The following KANSL1 variants were observed in gnomAD, a reference collection of about 807,000 sequenced individuals.
KANSL1 encodes MLL1/MLL complex subunit KANSL1.
Under a neutral mutation model 103.6 loss-of-function variants are expected in KANSL1, and 22 were observed. That is an observed-to-expected ratio of 0.21 (90% CI 0.15 to 0.30). KANSL1 has a LOEUF of 0.30. Among genes scored for constraint, KANSL1 ranks in the 10% least tolerant of loss-of-function variants. The probability of loss-of-function intolerance (pLI) is 1.00; values close to 1 mark genes in which losing one functional copy is unlikely to be tolerated. For synonymous variants in KANSL1, 600 were observed against 527.6 expected (o/e 1.14, Z -1.88); for missense variants, 1,337 against 1,399.8 (o/e 0.96, Z 0.72).
At chr17:46,198,710 T>G (rs2047698332), upstream of KANSL1, among the ~76,000 whole-genome samples, 1 of 152,206 alleles carries the variant, frequency 6.6e-6, no homozygotes, top group African/African-American at 2.4e-5. Flanking sequence ...CCAACCTGAG[T>G]GACAGAGCGG....
chr17:46,151,364 G>C (rs2045091344), intron 2 of KANSL1, among the ~76,000 whole-genome samples: 1 of 152,184 alleles, frequency 6.6e-6, no homozygotes, highest in African/African-American at 2.4e-5. Context: ...TCTTCCTCAA[G>C]ATCTTCACAG....
chr17:46,114,143 A>T (rs888637274), intron 2 of KANSL1, among the ~76,000 whole-genome samples: 4 of 152,170 alleles, frequency 2.6e-5, no homozygotes, highest in Non-Finnish European at 4.4e-5. Flanking sequence ...GGCAGATCAC[A>T]AGGTCACGAG....
At chr17:46,182,284 G>A (rs1238718741) in intron 1 of KANSL1, among the ~76,000 whole-genome samples, 12 of 152,208 alleles carry the variant, frequency 7.9e-5, no homozygotes, top group Non-Finnish European at 1.6e-4. Flanking sequence ...AAGACGTGGG[G>A]CATGATCCAC....
intron 6 of KANSL1, among the ~76,000 whole-genome samples, chr17:46,064,018 C>T (rs1232653678): frequency 1.4e-5 from 2 of 144,112 alleles, no homozygotes; most frequent in Non-Finnish European, 3.0e-5. Flanking sequence ...GTTATCAACT[C>T]CTCTGAAAAT....
intron 1 of KANSL1, among the ~76,000 whole-genome samples, chr17:46,213,155 T>A (rs901485578): frequency 6.6e-6 from 1 of 152,254 alleles, no homozygotes; most frequent in African/African-American, 2.4e-5. Flanking sequence ...AACCATACGC[T>A]TGCCTGTCTT....
chr17:46,037,083 T>C (rs948895661), intron 10 of KANSL1, among the ~76,000 whole-genome samples: 7 of 152,320 alleles, frequency 4.6e-5, no homozygotes, highest in Non-Finnish European at 8.8e-5. Flanking sequence ...GGGGTTAGCA[T>C]AGTGCTATAC....
chr17:46,077,305 G>GGCCT (rs375476171), intron 4 of KANSL1, among the ~76,000 whole-genome samples: 6 of 152,254 alleles, frequency 3.9e-5, no homozygotes, highest in African/African-American at 1.2e-4. Context: ...CGCCCACCTT[G>GGCCT]GCCTCCCAGA....
At chr17:46,175,931 AAT>A (rs1434831639) in intron 1 of KANSL1, among the ~76,000 whole-genome samples, 1 of 152,268 alleles carries the variant, frequency 6.6e-6, no homozygotes, top group Non-Finnish European at 1.5e-5. Context: ...CAGCTGGACC[AAT>A]ATAGTTGTTA....
chr17:46,058,346 A>G (rs1215424680), intron 6 of KANSL1, among the ~76,000 whole-genome samples: 1 of 152,182 alleles, frequency 6.6e-6, no homozygotes, highest in East Asian at 1.9e-4. Flanking sequence ...AGAATTCAAG[A>G]CAGAAGATCC....
chr17:46,180,835 G>A (rs1312490673), intron 1 of KANSL1, among the ~76,000 whole-genome samples: 2 of 152,104 alleles, frequency 1.3e-5, no homozygotes, highest in South Asian at 4.1e-4. Context: ...TCGAGTCTCT[G>A]AAAAATAAAA....
Position 46,098,097 on chromosome 17 carries a change from T to C in KANSL1, c.1290-3396A>G, listed in dbSNP as rs185213006. ...TCAATGTTGGCTGCAGGTCTAGCTC[T>C]ACCCTAAATCCAGGAAATGATCTCA... On this transcript the variant is annotated intron_variant, in intron 2 of 14. Transcript: ENST00000432791. Among the ~76,000 whole-genome samples the C allele has an allele frequency of 2.2e-3, 335 of 149,942 alleles. 1 individual carries two copies. Among genetic ancestry groups the C allele is most frequent in the Non-Finnish European group, 3.5e-3 (237 of 68,018 alleles).
chr17:46,035,432 T>G (rs1156543700), intron 10 of KANSL1: 1 of 152,166 alleles, frequency 6.6e-6, no homozygotes, highest in Non-Finnish European at 1.5e-5. Flanking sequence ...AGTCAGCACT[T>G]CCTGGGCCAG....
rs2046243055 is a variant in KANSL1 at position 46,170,794 on chromosome 17, C to T, written c.1289+61G>A. ...TCACATTCTCTCCATAATGGCGATT[C>T]ATTCATTCTTCCTTGTGCCAACATT... On this transcript the variant is annotated intron_variant, in intron 2 of 14. Transcript: ENST00000432791. 3 of 1,467,768 alleles carry T rather than the reference C, an allele frequency of 2.0e-6. No individual in the cohort carries two copies. The African/African-American group carries it at 4.3e-5, about 21-fold the overall frequency. The allele number at this position is 1,467,768 out of a possible 1,614,324, so 90.9% of individuals were successfully genotyped here.
chr17:46,172,533 AATC>A (rs1264871512), intron 1 of KANSL1, among the ~76,000 whole-genome samples: 2 of 152,022 alleles, frequency 1.3e-5, no homozygotes, highest in African/African-American at 2.4e-5. Context: ...GTTAAAATTA[AATC>A]ATCTCCATTA....
chr17:46,218,958 C>T (rs1311502271), intron 1 of KANSL1, among the ~76,000 whole-genome samples: 1 of 151,820 alleles, frequency 6.6e-6, no homozygotes, highest in African/African-American at 2.4e-5. Context: ...CAAAGTCACA[C>T]GGTTAAGAGT....
chr17:46,182,676 A>G (rs1182825569), intron 1 of KANSL1, among the ~76,000 whole-genome samples: 2 of 152,268 alleles, frequency 1.3e-5, no homozygotes, highest in Non-Finnish European at 2.9e-5. Flanking sequence ...TATCTTACAT[A>G]TATTCTCTTA....
At chr17:46,153,674 C>T (rs536002131) in intron 2 of KANSL1, among the ~76,000 whole-genome samples, 1 of 152,306 alleles carries the variant, frequency 6.6e-6, no homozygotes, top group African/African-American at 2.4e-5. Flanking sequence ...GTCATTTATA[C>T]ACTAGATTAT....
chr17:46,173,227 C>G (rs141873644), intron 1 of KANSL1, among the ~76,000 whole-genome samples: 333 of 152,270 alleles, frequency 2.2e-3, no homozygotes, highest in Non-Finnish European at 3.6e-3. Flanking sequence ...GCCCTCTTCT[C>G]TCTCAACAAC....
intron 2 of KANSL1, among the ~76,000 whole-genome samples, chr17:46,159,078 T>C (rs1444226681): frequency 6.6e-6 from 1 of 152,122 alleles, no homozygotes; most frequent in Non-Finnish European, 1.5e-5. Flanking sequence ...AGCAGGTGAG[T>C]AGGCCTGCTG....
Sources: gnomAD v4.1 joint callset for allele counts (sites outside exome capture counted in the v4.1 genomes callset) on GRCh38, gnomAD v4.1.1 for gene constraint, MANE v1.5 for transcripts, NCBI Gene and HGNC (gene_info 2026-07-23, HGNC 2026-07-21) for gene names.